The following SLC24A4 variants were observed in gnomAD, a reference collection of about 807,000 sequenced individuals.
SLC24A4 encodes the protein solute carrier family 24 member 4.
Under a neutral mutation model 79.0 loss-of-function variants are expected in SLC24A4, and 53 were observed. The observed-to-expected ratio is 0.67, with a 90% confidence interval of 0.54 to 0.84. SLC24A4 has a LOEUF of 0.84. Ranked by LOEUF, SLC24A4 falls within the 40% of genes least tolerant of loss-of-function variation. SLC24A4 has a pLI of 0.00. For missense variants in SLC24A4, 731 were observed against 822.0 expected (o/e 0.89, Z 1.35); for synonymous variants, 323 against 323.8 (o/e 1.00, Z 0.03).
intron 2 of SLC24A4, among the ~76,000 whole-genome samples, chr14:92,426,056 A>G (rs1392667675): frequency 2.0e-5 from 3 of 152,202 alleles, no homozygotes; most frequent in Non-Finnish European, 4.4e-5. Flanking sequence ...GAGGTGGGAC[A>G]GGATCTTCAG....
intron 2 of SLC24A4, among the ~76,000 whole-genome samples, chr14:92,350,818 C>T (rs1316681854): frequency 6.6e-6 from 1 of 152,136 alleles, no homozygotes; most frequent in African/African-American, 2.4e-5. Flanking sequence ...CCCCAAAATT[C>T]ATATGTTGAA....
intron 12 of SLC24A4, among the ~76,000 whole-genome samples, chr14:92,481,881 G>C (rs1483650491): frequency 6.6e-6 from 1 of 152,156 alleles, no homozygotes; most frequent in Non-Finnish European, 1.5e-5. Context: ...ACCTGCTTGT[G>C]CACACCTATC....
intron 12 of SLC24A4, among the ~76,000 whole-genome samples, chr14:92,476,094 A>G (rs1016605784): frequency 5.3e-5 from 8 of 152,220 alleles, no homozygotes; most frequent in African/African-American, 1.7e-4. Flanking sequence ...CTGGGAACAT[A>G]TGAAAATTAT....
intron 2 of SLC24A4, among the ~76,000 whole-genome samples, chr14:92,329,418 G>A (rs1392114797): frequency 1.3e-5 from 2 of 152,232 alleles, no homozygotes; most frequent in South Asian, 2.1e-4. Flanking sequence ...TGCCTGGGTT[G>A]TAACCCCAGA....
chr14:92,343,566 C>G (rs1206305396), intron 2 of SLC24A4, among the ~76,000 whole-genome samples: 2 of 151,204 alleles, frequency 1.3e-5, no homozygotes, highest in African/African-American at 4.9e-5. Flanking sequence ...AAGCTGCTCA[C>G]TCATTAATTA....
intron 13 of SLC24A4, chr14:92,483,645 C>CT: frequency 3.0e-6 from 3 of 987,322 alleles, no homozygotes; most frequent in Non-Finnish European, 4.2e-6. Context: ...CTGGGCTGGG[C>CT]TGGGTCAGGC....
rs1030321855 is a variant in SLC24A4, at chr14:92,323,553, G to A, written c.-278G>A. ...AGCCCTGCGAGCCCGGGCCGCCAGCGCCACCGTGCCGGCGTCGCCTCCTCG... is the reference window on the plus strand; with the variant it reads ...AGCCCTGCGAGCCCGGGCCGCCAGCACCACCGTGCCGGCGTCGCCTCCTCG... On this transcript the variant is annotated 5_prime_UTR_variant, in exon 1 of 17. Transcript: ENST00000532405. The surrounding 1 kb of genome is among the most constrained non-coding windows in gnomAD (Gnocchi z 4.9). 2.8e-5 allele frequency: 7 copies of A among 251,362 alleles called. No individual in the cohort carries two copies. Among genetic ancestry groups the A allele is most frequent in the Middle Eastern group, 1.2e-3 (1 of 868 alleles). 15.6% of individuals were successfully genotyped at this position (251,362 alleles called of 1,614,324 possible). A position where few individuals can be genotyped will look rare whatever the true frequency, so the allele number is the denominator to read the frequency against.
intron 12 of SLC24A4, among the ~76,000 whole-genome samples, chr14:92,471,834 T>C (rs1595341378): frequency 6.6e-6 from 1 of 152,168 alleles, no homozygotes; most frequent in Admixed American, 6.5e-5. Context: ...GGGGAGTAGA[T>C]GCTAGCCAGA....
At chr14:92,322,871 A>G (rs942453453), upstream of SLC24A4, among the ~76,000 whole-genome samples, 18 of 152,120 alleles carry the variant, frequency 1.2e-4, no homozygotes, top group African/African-American at 4.3e-4. Context: ...ACTACACTGC[A>G]GAAACCCTTT....
chr14:92,331,677 C>A (rs1370780209), intron 2 of SLC24A4, among the ~76,000 whole-genome samples: 1 of 152,194 alleles, frequency 6.6e-6, no homozygotes, highest in Admixed American at 6.5e-5. Context: ...AACCATAATA[C>A]GTGCTTCACT....
At chr14:92,449,283 C>T (rs1234896362) in intron 10 of SLC24A4, 67 bp downstream of exon 10, 17 of 20,658 alleles carry the variant, frequency 8.2e-4, no homozygotes, top group Admixed American at 4.3e-3. Context: ...CTTTTGTGTA[C>T]ACACACACAC....
At chr14:92,436,567 C>A (rs977284421) in intron 3 of SLC24A4, among the ~76,000 whole-genome samples, 23 of 152,172 alleles carry the variant, frequency 1.5e-4, no homozygotes, top group African/African-American at 5.6e-4. Context: ...TACTATCTAA[C>A]CCTTTACAGA....
At chr14:92,491,084 A>C (rs1304511615) in intron 14 of SLC24A4, among the ~76,000 whole-genome samples, 1 of 152,202 alleles carries the variant, frequency 6.6e-6, no homozygotes, top group East Asian at 1.9e-4. Context: ...TCGTTCTGGC[A>C]TGCTGAGCTG....
chr14:92,446,194 C>A (rs1892788638), intron 8 of SLC24A4, among the ~76,000 whole-genome samples: 1 of 151,498 alleles, frequency 6.6e-6, no homozygotes, highest in Admixed American at 6.6e-5. Context: ...TTTTTTGAGA[C>A]CCGGTCTTAC....
At chr14:92,354,842 G>A (rs1471656717) in intron 2 of SLC24A4, among the ~76,000 whole-genome samples, 3 of 152,140 alleles carry the variant, frequency 2.0e-5, no homozygotes, top group Non-Finnish European at 4.4e-5. Context: ...GGGAGGCCGA[G>A]GTGGGCGGAT....
intron 2 of SLC24A4, among the ~76,000 whole-genome samples, chr14:92,431,472 T>G (rs899928405): frequency 1.3e-5 from 2 of 151,964 alleles, no homozygotes; most frequent in Non-Finnish European, 2.9e-5. Flanking sequence ...GTGACAAGGG[T>G]GGGAGGCCAC....
chr14:92,375,466 G>T (rs1176109660), intron 2 of SLC24A4, among the ~76,000 whole-genome samples: 2 of 152,208 alleles, frequency 1.3e-5, no homozygotes, highest in Non-Finnish European at 2.9e-5. Context: ...CTACCACAAA[G>T]AATTGAAAAC....
chr14:92,431,413 G>A lies in SLC24A4; in HGVS notation c.242-2499G>A, dbSNP rs531650244. Among the ~76,000 whole-genome samples, 19 of 152,362 alleles carry A rather than the reference G, an allele frequency of 1.2e-4. No homozygotes were observed. The South Asian group carries it at 3.9e-3, about 32-fold the overall frequency. ...AAGTCCATCGGCTGCTAGAGACAGT[G>A]CACGGAACAGCTGTGTGGGACATCT... On this transcript the variant is annotated intron_variant, in intron 2 of 16. Coordinates refer to ENST00000532405, the MANE Select transcript of SLC24A4 (RefSeq NM_153646.4).
At chr14:92,324,806 AC>A (rs1885030181) in intron 1 of SLC24A4, among the ~76,000 whole-genome samples, 1 of 152,214 alleles carries the variant, frequency 6.6e-6, no homozygotes, top group Admixed American at 6.5e-5. Flanking sequence ...GGTGATTTAA[AC>A]ACCAAGACAT....
Sources: allele counts gnomAD v4.1 joint callset (sites outside exome capture counted in the v4.1 genomes callset), GRCh38; gene constraint gnomAD v4.1.1; non-coding constraint Gnocchi (gnomAD v3.1); transcripts MANE v1.5; gene names NCBI Gene and HGNC (gene_info 2026-07-23, HGNC 2026-07-21).